The following RNF166 variants were observed in gnomAD, a reference collection of about 807,000 sequenced individuals.
The protein encoded by RNF166 is ring finger protein 166.
Under a neutral mutation model 29.4 loss-of-function variants are expected in RNF166, and 19 were observed. The observed-to-expected ratio is 0.65, with a 90% CI of 0.45 to 0.95. The LOEUF (loss-of-function observed/expected upper bound fraction) is 0.95, where lower values mean the gene tolerates loss of function less well. Among genes scored for constraint, RNF166 ranks in the 40% least tolerant of loss-of-function variants. The pLI, the probability that RNF166 is intolerant of heterozygous loss-of-function variation, is 0.00. For missense variants in RNF166, 347 were observed against 322.1 expected (o/e 1.08, Z -0.59); for synonymous variants, 171 against 134.5 (o/e 1.27, Z -1.88).
chr16:88,698,916 T>C, intron 4 of RNF166, 55 bp downstream of exon 4: 1 of 1,341,962 alleles, frequency 7.5e-7, no homozygotes, highest in East Asian at 2.5e-5. Context: ...GGCCTTGTAC[T>C]GTCCCCCACA....
At chr16:88,697,996 G>C (rs1191403794) in intron 5 of RNF166, 1 of 476,438 alleles carries the variant, frequency 2.1e-6, no homozygotes, top group East Asian at 3.7e-5. Context: ...CAGAGGGAGT[G>C]ACAGCCATCG....
Position 88,700,654 on chromosome 16 carries a change from A to T in RNF166, c.312+608T>A, listed in dbSNP as rs557744598. On this transcript the variant is annotated intron_variant, in intron 2 of 5. Coordinates refer to ENST00000312838, the MANE Select transcript of RNF166 (RefSeq NM_178841.4). Reference sequence around the variant, plus strand: ...CAGTCCTCCGGAAGCCACTGAAAGAACGGGGCGCTGGCTGGGGCCTCTCCA... The same window carrying T: ...CAGTCCTCCGGAAGCCACTGAAAGATCGGGGCGCTGGCTGGGGCCTCTCCA... 3.3e-5 allele frequency: 33 copies of T among 986,834 alleles called. No homozygotes were observed. In the South Asian group the frequency reaches 1.4e-3, roughly 43 times the overall value. The allele number at this position is 986,834 out of a possible 1,614,324, so 61.1% of individuals were successfully genotyped here. A position where few individuals can be genotyped will look rare whatever the true frequency, so the allele number is the denominator to read the frequency against.
intron 1 of RNF166, chr16:88,704,282 G>A (rs150582753): frequency 2.0e-6 from 2 of 985,456 alleles, no homozygotes; most frequent in African/African-American, 1.7e-5. Flanking sequence ...AGAGAGAACA[G>A]CCAGAAAACA....
chr16:88,703,727 G>A (rs539549661), intron 1 of RNF166: 338 of 985,476 alleles, frequency 3.4e-4, no homozygotes, highest in South Asian at 1.8e-3. Context: ...TGGGGGCGTC[G>A]ACAGCCTTAC....
chr16:88,697,262 T>C lies in RNF166; in HGVS notation c.*306A>G, dbSNP rs1909722296. 1 of 261,412 alleles carries C rather than the reference T, an allele frequency of 3.8e-6. No individual in the cohort carries two copies. Among genetic ancestry groups the C allele is most frequent in the Admixed American group, 5.2e-5 (1 of 19,064 alleles). The allele number at this position is 261,412 out of a possible 1,614,324, so 16.2% of individuals were successfully genotyped here. On this transcript the variant is annotated 3_prime_UTR_variant, in exon 6 of 6. Coordinates refer to ENST00000312838, the MANE Select transcript of RNF166 (RefSeq NM_178841.4). ...CCCTTCTTCCCACGAGGGGGTATCA[T>C]GGCTTTGAAGAGACGGCGGCAGCTC... is the stretch of plus-strand genomic sequence containing the variant.
intron 2 of RNF166, chr16:88,700,507 A>C (rs1011225044): frequency 2.8e-6 from 2 of 716,640 alleles, no homozygotes; most frequent in African/African-American, 3.9e-5. Flanking sequence ...GGACATCTGG[A>C]CCTTCGACCT....
Position 88,697,612 on chromosome 16 carries a change from C to A in RNF166, c.670G>T (p.Ala224Ser). ...AGGGCCAGAGCAGCCTGGAAGGCGG[C>A]CTCCTCGTCAATACTGTAGTCCTGG... ...TFVDYSIDEE[A>S]AFQAALALSL... The change falls in exon 6 of 6, where the codon GCC becomes TCC. Residue 224 changes from alanine (A) to serine (S), a missense_variant. Transcript: ENST00000312838. 1 of 1,552,046 alleles carries A rather than the reference C, an allele frequency of 6.4e-7. No individual in the cohort carries two copies. The highest frequency in any genetic ancestry group is 1.2e-5 in the South Asian group (1 of 84,160).
chr16:88,700,930 G>C, intron 2 of RNF166: 6 of 1,168,816 alleles, frequency 5.1e-6, no homozygotes, highest in Non-Finnish European at 6.4e-6. Flanking sequence ...GTATCGGCTG[G>C]CAGGGGAAGG....
chr16:88,698,612 G>A lies in RNF166; in HGVS notation c.541-3C>T, dbSNP rs1458086585. The A allele has an allele frequency of 6.6e-7, 1 of 1,515,228 alleles. No homozygotes were observed. Among genetic ancestry groups the A allele is most frequent in the Non-Finnish European group, 8.9e-7 (1 of 1,126,178 alleles). The allele number at this position is 1,515,228 out of a possible 1,614,324, so 93.9% of individuals were successfully genotyped here. A position where few individuals can be genotyped will look rare whatever the true frequency, so the allele number is the denominator to read the frequency against. ...ATTGCCGAGCAGATGGGGCACACCT[G>A]GAACAGGCACTGGGGTCAAGCCGAG... On this transcript the variant is annotated splice_polypyrimidine_tract_variant and splice_region_variant and intron_variant, in intron 4 of 5. Transcript: ENST00000312838.
Position 88,698,716 on chromosome 16 carries a change from G to C in RNF166, c.541-107C>G, listed in dbSNP as rs980685504. 1.3e-5 allele frequency: 11 copies of C among 867,552 alleles called. No homozygotes were observed. The South Asian group carries it at 1.4e-4, about 11-fold the overall frequency. The allele number at this position is 867,552 out of a possible 1,614,324, so 53.7% of individuals were successfully genotyped here. A position where few individuals can be genotyped will look rare whatever the true frequency, so the allele number is the denominator to read the frequency against. ...GCCCCGTCAGTGCTGCCTCAGCCTG[G>C]GAAGGCACCCCAGACCTGGAGGCGC... is the stretch of plus-strand genomic sequence containing the variant. On this transcript the variant is annotated intron_variant, in intron 4 of 5. Coordinates refer to ENST00000312838, the MANE Select transcript of RNF166 (RefSeq NM_178841.4).
intron 5 of RNF166, chr16:88,698,110 G>A (rs554943198): frequency 3.4e-6 from 2 of 587,392 alleles, no homozygotes; most frequent in Non-Finnish European, 6.1e-6. Flanking sequence ...GGGGCCAGGT[G>A]TGTGCCTGAC....
At chr16:88,698,123 G>A (rs536482000) in intron 5 of RNF166, 11 of 588,308 alleles carry the variant, frequency 1.9e-5, no homozygotes, top group Non-Finnish European at 3.0e-5. Context: ...TGCCTGACCC[G>A]CGGCGGGTGG....
intron 3 of RNF166, 74 bp downstream of exon 3, chr16:88,699,546 G>A: frequency 8.4e-7 from 1 of 1,183,806 alleles, no homozygotes; most frequent in Non-Finnish European, 1.2e-6. Context: ...CTCTGGGATG[G>A]GGCACTGCGC....
intron 4 of RNF166, 54 bp from the exon 5 acceptor site, chr16:88,698,663 C>T (rs1018952982): frequency 8.9e-6 from 12 of 1,351,170 alleles, no homozygotes; most frequent in Admixed American, 4.6e-5. Context: ...GCGGGGTAGC[C>T]GCAGTAGGAC....
At chr16:88,699,484 G>A (rs1909985555) in intron 3 of RNF166, 136 bp downstream of exon 3, 2 of 667,600 alleles carry the variant, frequency 3.0e-6, no homozygotes, top group African/African-American at 3.6e-5. Context: ...AGGGTGGCAA[G>A]GAAGGTCCAC....
intron 5 of RNF166, chr16:88,698,114 G>A (rs1909815181): frequency 3.4e-6 from 2 of 588,052 alleles, no homozygotes; most frequent in Admixed American, 3.1e-5. Context: ...CCAGGTGTGT[G>A]CCTGACCCGC....
intron 5 of RNF166, chr16:88,698,098 C>G: frequency 1.7e-6 from 1 of 578,364 alleles, no homozygotes; most frequent in East Asian, 2.9e-5. Flanking sequence ...TCTGCAGGCC[C>G]GGGGGCCAGG....
chr16:88,703,651 G>T lies in RNF166; in HGVS notation c.156-2233C>A, dbSNP rs918129203. The T allele has an allele frequency of 5.1e-6, 5 of 985,552 alleles. No homozygotes were observed. The East Asian group carries it at 5.7e-4, about 112-fold the overall frequency. The allele number at this position is 985,552 out of a possible 1,614,324, so 61.1% of individuals were successfully genotyped here. On this transcript the variant is annotated intron_variant, in intron 1 of 5. Coordinates refer to ENST00000312838, the MANE Select transcript of RNF166 (RefSeq NM_178841.4). ...CTTCCCCCACAGGAAGTTCCTGTCT[G>T]CGCCCACCCAGGGGCTGGTGCTGAG...
rs1909803130 is a variant in RNF166 at position 88,698,000 on chromosome 16, G to A, written c.649-367C>T. The stretch of plus-strand genomic sequence containing the variant: ...CGGACGACTGGCAGAGGGAGTGACA[G>A]CCATCGCCAGGACTGTTAGCCAGGG... On this transcript the variant is annotated intron_variant, in intron 5 of 5. Transcript: ENST00000312838. 1.5e-5 allele frequency: 7 copies of A among 478,148 alleles called. No homozygotes were observed. The South Asian group carries it at 1.6e-4, about 11-fold the overall frequency. The allele number at this position is 478,148 out of a possible 1,614,324, so 29.6% of individuals were successfully genotyped here.
Sources: allele counts gnomAD v4.1 joint callset, GRCh38; gene constraint gnomAD v4.1.1; transcripts MANE v1.5; gene names NCBI Gene and HGNC (gene_info 2026-07-23, HGNC 2026-07-21).